DUS2: variants seen among roughly 807,000 people sequenced by gnomAD.
DUS2 encodes the protein dihydrouridine synthase 2.
In DUS2, 52 loss-of-function variants were observed where a neutral mutation model predicts 71.3. The ratio of observed to expected loss-of-function variants is 0.73; its 90% CI spans 0.58 to 0.92. The LOEUF (loss-of-function observed/expected upper bound fraction) is 0.92. DUS2 is among the 40% of genes least tolerant of loss of function. DUS2 has a pLI of 0.00. For missense variants in DUS2, 558 were observed against 622.6 expected (o/e 0.90, Z 1.10); for synonymous variants, 204 against 227.8 (o/e 0.90, Z 0.94).
At position 68,045,688 on chromosome 16, in the gene DUS2, T is replaced by A. The variant is rs543544321; in HGVS notation, c.127-3817T>A. Among the ~76,000 whole-genome samples the A allele has an allele frequency of 5.9e-4, 89 of 152,084 alleles. 1 individual carries two copies. Among genetic ancestry groups the A allele is most frequent in the South Asian group, 4.6e-3 (22 of 4,818 alleles). On this transcript the variant is annotated intron_variant, in intron 3 of 16. Transcript: ENST00000565263. The stretch of plus-strand genomic sequence containing the variant: ...ATATGGATGCCTTTTATTTTATTTT[T>A]TTTTCTACCTAATTGTCCTGGCTGG...
intron 12 of DUS2, among the ~76,000 whole-genome samples, chr16:68,072,781 A>G (rs1377367556): frequency 6.6e-6 from 1 of 152,218 alleles, no homozygotes; most frequent in African/African-American, 2.4e-5. Context: ...CCCTACCTCT[A>G]GCCAGCCGAC....
At chr16:68,061,193 ATACCAGATT>A (rs769716074) in intron 8 of DUS2, 80 bp downstream of exon 8, 329 of 1,421,616 alleles carry the variant, frequency 2.3e-4, no homozygotes, top group East Asian at 1.4e-4. Context: ...CCTTCCACCA[ATACCAGATT>A]TACTGATGTC....
At chr16:68,048,064 T>C (rs906640944) in intron 3 of DUS2, among the ~76,000 whole-genome samples, 2 of 152,174 alleles carry the variant, frequency 1.3e-5, no homozygotes, top group Admixed American at 6.5e-5. Context: ...ATTACAGACA[T>C]AAGCCATCAT....
chr16:68,066,529 A>G, intron 9 of DUS2, 37 bp from the exon 10 acceptor site: 1 of 1,611,302 alleles, frequency 6.2e-7, no homozygotes, highest in Non-Finnish European at 8.5e-7. Flanking sequence ...CTCCTTCTGG[A>G]GCTTCAGTAA....
At chr16:68,070,104 A>G (rs890501554) in intron 10 of DUS2, 30 bp from the exon 11 acceptor site, 15 of 1,604,942 alleles carry the variant, frequency 9.3e-6, no homozygotes, top group Non-Finnish European at 1.3e-5. Flanking sequence ...TTTGGTGCTT[A>G]GCCCTCAGCC....
chr16:68,057,260 A>T, intron 7 of DUS2, among the ~76,000 whole-genome samples: 1 of 145,742 alleles, frequency 6.9e-6, no homozygotes, highest in East Asian at 1.9e-4. Context: ...AGAGAGAGAG[A>T]GAAAGAGAGA....
At chr16:68,057,406 A>C (rs374066333) in intron 7 of DUS2, among the ~76,000 whole-genome samples, 5 of 151,172 alleles carry the variant, frequency 3.3e-5, no homozygotes, top group East Asian at 3.9e-4. Flanking sequence ...TATAAAAAAA[A>C]AAAAGGGAAA....
chr16:68,043,673 C>CT (rs1020248020), intron 3 of DUS2, among the ~76,000 whole-genome samples: 7 of 151,240 alleles, frequency 4.6e-5, no homozygotes, highest in African/African-American at 7.3e-5. Context: ...AATTTCTTTT[C>CT]TTTTTTTTTG....
intron 7 of DUS2, among the ~76,000 whole-genome samples, chr16:68,057,069 A>G (rs535940223): frequency 3.0e-5 from 4 of 134,562 alleles, no homozygotes; most frequent in Admixed American, 8.2e-5. Flanking sequence ...TGTAATATAT[A>G]TGTTATAAAT....
rs1394675932 is a variant in DUS2, at chr16:68,074,141, T to G, written c.918T>G (p.Ser306=). The change falls in exon 13 of 17, where the codon TCT becomes TCG. Residue 306 remains serine, a synonymous_variant. Transcript: ENST00000565263. ...GAAGGTTGCTCCATGCTGCCCAGTC[T>G]TCCCGGGAAATTTGGTAAGAGGCAC... ...PQGRLLHAAQ[S]SREICEAFGL... is the part of the protein sequence containing the mutation. 1 of 1,614,122 alleles carries G rather than the reference T, an allele frequency of 6.2e-7. No homozygotes were observed. Among genetic ancestry groups the G allele is most frequent in the South Asian group, 1.1e-5 (1 of 91,082 alleles).
rs140657263 is a variant in DUS2 at position 68,023,329 on chromosome 16, C to A, written c.-121C>A. On this transcript the variant is annotated 5_prime_UTR_variant, in exon 1 of 17. Transcript: ENST00000565263. ...AGCACCGTGAGGAAGAAGCGAGGTT[C>A]TTTTTAAGAGTTCAGCTGCGAGGTC... is the stretch of plus-strand genomic sequence containing the variant. 346 of 1,188,656 alleles carry A rather than the reference C, an allele frequency of 2.9e-4. 2 individuals are homozygous for A. The African/African-American group carries it at 4.7e-3, about 16-fold the overall frequency. 73.6% of individuals were successfully genotyped at this position (1,188,656 alleles called of 1,614,324 possible). A position where few individuals can be genotyped will look rare whatever the true frequency, so the allele number is the denominator to read the frequency against.
chr16:68,066,116 G>C (rs1489359652), intron 8 of DUS2, among the ~76,000 whole-genome samples: 1 of 152,148 alleles, frequency 6.6e-6, no homozygotes, highest in Non-Finnish European at 1.5e-5. Flanking sequence ...AGGTGCTGGG[G>C]CTCCAGTATA....
intron 6 of DUS2, among the ~76,000 whole-genome samples, chr16:68,055,107 G>A (rs2033833623): frequency 6.6e-6 from 1 of 151,980 alleles, no homozygotes. Context: ...GGACTCATGT[G>A]TACCTACAGT....
In DUS2 at chr16:68,070,923, C is replaced by T. The variant is rs778931682; in HGVS notation, c.642-17C>T. The stretch of plus-strand genomic sequence containing the variant: ...TTCCGTGATGGGGACACCCCTAACC[C>T]TCTGGTTGCTTTTTAGCGGAGGATC... On this transcript the variant is annotated splice_polypyrimidine_tract_variant and intron_variant, in intron 11 of 16. Coordinates refer to ENST00000565263, the MANE Select transcript of DUS2 (RefSeq NM_017803.5). 1.9e-6 allele frequency: 3 copies of T among 1,613,366 alleles called. No homozygotes were observed. Among genetic ancestry groups the T allele is most frequent in the African/African-American group, 2.7e-5 (2 of 74,906 alleles).
At chr16:68,074,347 C>T (rs1019470133) in intron 13 of DUS2, among the ~76,000 whole-genome samples, 192 bp downstream of exon 13, 1 of 152,062 alleles carries the variant, frequency 6.6e-6, no homozygotes, top group African/African-American at 2.4e-5. Context: ...CATCCCTGGA[C>T]GGATCAGCAG....
intron 15 of DUS2, 50 bp downstream of exon 15, chr16:68,076,769 G>A (rs201931510): frequency 6.0e-6 from 9 of 1,504,618 alleles, no homozygotes; most frequent in Admixed American, 1.7e-5. Context: ...GCACTCCCAT[G>A]GCTTACACCC....
At chr16:68,065,656 CAAAA>C (rs1159093335) in intron 8 of DUS2, among the ~76,000 whole-genome samples, 1 of 151,890 alleles carries the variant, frequency 6.6e-6, no homozygotes, top group Non-Finnish European at 1.5e-5. Flanking sequence ...AACAAACAAA[CAAAA>C]AGGAAACAGG....
chr16:68,061,229 C>T, intron 8 of DUS2, 116 bp downstream of exon 8: 1 of 1,150,666 alleles, frequency 8.7e-7, no homozygotes. Context: ...GTTTCTCTCC[C>T]TGAGGCCTAG....
chr16:68,057,117 T>G (rs2033869517), intron 7 of DUS2, among the ~76,000 whole-genome samples: 1 of 140,164 alleles, frequency 7.1e-6, no homozygotes, highest in African/African-American at 2.6e-5. Flanking sequence ...TATTATATAT[T>G]ACATATATAA....
Sources: gnomAD v4.1 joint callset for allele counts (sites outside exome capture counted in the v4.1 genomes callset) on GRCh38, gnomAD v4.1.1 for gene constraint, MANE v1.5 for transcripts, NCBI Gene and HGNC (gene_info 2026-07-23, HGNC 2026-07-21) for gene names.